The following MYCBP2 variants were observed in gnomAD, a reference collection of about 807,000 sequenced individuals.
MYCBP2 encodes MYC binding protein 2.
A neutral mutation model predicts 525.3 loss-of-function variants in MYCBP2; 120 were observed. That is an observed-to-expected ratio of 0.23 (90% CI 0.20 to 0.27). The LOEUF (loss-of-function observed/expected upper bound fraction) is 0.27, where lower values mean the gene tolerates loss of function less well. MYCBP2 is among the 10% of genes least tolerant of loss of function. The probability of loss-of-function intolerance (pLI) is 1.00; values close to 1 mark genes in which losing one functional copy is unlikely to be tolerated. For missense variants in MYCBP2, 4,149 were observed against 5,657.1 expected (o/e 0.73, Z 8.55); for synonymous variants, 1,894 against 1,955.8 (o/e 0.97, Z 0.83).
chr13:77,283,593 G>A (rs984189400), intron 3 of MYCBP2, among the ~76,000 whole-genome samples: 5 of 152,084 alleles, frequency 3.3e-5, no homozygotes, highest in African/African-American at 1.2e-4. Flanking sequence ...TGACTTCTAA[G>A]CGTTACTATT....
At chr13:77,232,127 AC>A (rs1344211265) in intron 18 of MYCBP2, among the ~76,000 whole-genome samples, 2 of 152,184 alleles carry the variant, frequency 1.3e-5, no homozygotes, top group Non-Finnish European at 2.9e-5. Context: ...TGGCAAACTG[AC>A]AGACTGAAAG....
At chr13:77,190,585 T>G (rs2061205960) in intron 28 of MYCBP2, among the ~76,000 whole-genome samples, 1 of 152,176 alleles carries the variant, frequency 6.6e-6, no homozygotes. Context: ...CAACTCAGCT[T>G]TAACCACAGC....
In MYCBP2 at chr13:77,326,240, G is replaced by GACACACACAC. The variant is rs398023536; in HGVS notation, c.302+224_302+233dup. On this transcript the variant is annotated intron_variant, in intron 1 of 82. Transcript: ENST00000544440. The surrounding 1 kb of genome is among the most constrained non-coding windows in gnomAD (Gnocchi z 4.2). ...CACTATCCCCCCACATAGGCAGGCA[G>GACACACACAC]ACACACACACACACACACACACACA... 0.018 allele frequency among the ~76,000 whole-genome samples: 2,335 copies of GACACACACAC among 127,814 alleles called. 43 individuals carry two copies. The highest frequency in any genetic ancestry group is 0.035 in the Admixed American group (439 of 12,706). 83.9% of individuals were successfully genotyped at this position (127,814 alleles called of 152,430 possible). A position where few individuals can be genotyped will look rare whatever the true frequency, so the allele number is the denominator to read the frequency against.
chr13:77,095,891 C>A (rs1304593196), intron 57 of MYCBP2, among the ~76,000 whole-genome samples: 2 of 151,352 alleles, frequency 1.3e-5, no homozygotes, highest in South Asian at 4.2e-4. Context: ...CATTTCAGTG[C>A]GTGTATTCAG....
Position 77,326,707 on chromosome 13 carries a change from G to A in MYCBP2, c.69C>T (p.Tyr23=). The A allele has an allele frequency of 7.0e-7, 1 of 1,427,942 alleles. No individual in the cohort carries two copies. Among genetic ancestry groups the A allele is most frequent in the Non-Finnish European group, 9.1e-7 (1 of 1,102,046 alleles). The allele number at this position is 1,427,942 out of a possible 1,614,324, so 88.5% of individuals were successfully genotyped here. Residue 23 remains tyrosine (Y), a synonymous_variant, in exon 1 of 83, where the codon TAC becomes TAT. Coordinates refer to ENST00000544440, the MANE Select transcript of MYCBP2 (RefSeq NM_015057.5). This position sits in a 1 kb window ranked among gnomAD's most constrained non-coding sequence, Gnocchi z 4.2. The part of the protein sequence containing the change: ...ASSGLGGDGF[Y]PAATFSSSPA... ...GGGAGGAAGAGAAGGTGGCGGCTGGGTAGAATCCGTCCCCGCCGAGCCCCG... is the reference window on the plus strand; with the variant it reads ...GGGAGGAAGAGAAGGTGGCGGCTGGATAGAATCCGTCCCCGCCGAGCCCCG...
In MYCBP2 at chr13:77,167,012, CACACACACACACA is replaced by C. The variant is rs1566781014; in HGVS notation, c.6115-471_6115-459del. Reference sequence around the variant, plus strand: ...ACACACACACACACACACACACACACACACACACACACACCAAATGAAATAATTTAATGATTTT... The same window carrying C: ...ACACACACACACACACACACACACACCCAAATGAAATAATTTAATGATTTT... On this transcript the variant is annotated intron_variant, in intron 40 of 82. Transcript: ENST00000544440. 2.1e-3 allele frequency among the ~76,000 whole-genome samples: 312 copies of C among 150,848 alleles called. 2 individuals are homozygous for C. The highest frequency in any genetic ancestry group is 5.5e-3 in the Admixed American group (84 of 15,156).
Position 77,296,580 on chromosome 13 carries a change from C to T in MYCBP2, c.378+19G>A. On this transcript the variant is annotated intron_variant, in intron 2 of 82. Transcript: ENST00000544440. ...CATATGAAAAAGTCCTATTCCTTAT[C>T]AATTACCAGCAGCTTTACCTTGCTT... 6.4e-7 allele frequency: 1 copy of T among 1,569,258 alleles called. No homozygotes were observed.
intron 18 of MYCBP2, among the ~76,000 whole-genome samples, chr13:77,226,236 C>T (rs139940806): frequency 1.2e-3 from 187 of 152,218 alleles, no homozygotes; most frequent in Middle Eastern, 3.4e-3. Flanking sequence ...CTCCTTCTTT[C>T]CTCCTCCCTT....
intron 26 of MYCBP2, among the ~76,000 whole-genome samples, chr13:77,198,943 G>C (rs2062077491): frequency 6.6e-6 from 1 of 152,210 alleles, no homozygotes; most frequent in Admixed American, 6.5e-5. Context: ...GTGGTAAATT[G>C]TTGAAAATAA....
In MYCBP2 at chr13:77,211,187, A is replaced by G. The variant is rs370621222; in HGVS notation, c.3396T>C (p.Pro1132=). Residue 1132 remains proline, a synonymous_variant, in exon 23 of 83, where the codon CCT becomes CCC. Transcript: ENST00000544440. ...DLQGFGVCLD[P]VYDVIWRFRP... is the part of the protein sequence containing the mutation. ...CTTACCTCCAAATTACATCATATACAGGATCAAGACACACACCAAATCCTT... is the reference window on the plus strand; with the variant it reads ...CTTACCTCCAAATTACATCATATACGGGATCAAGACACACACCAAATCCTT... 7.9e-5 allele frequency: 118 copies of G among 1,489,326 alleles called. No individual in the cohort carries two copies. Among genetic ancestry groups the G allele is most frequent in the Non-Finnish European group, 9.7e-5 (108 of 1,117,232 alleles). 92.3% of individuals were successfully genotyped at this position (1,489,326 alleles called of 1,614,324 possible).
chr13:77,245,076 A>G (rs1311185800), intron 15 of MYCBP2, among the ~76,000 whole-genome samples: 1 of 152,240 alleles, frequency 6.6e-6, no homozygotes, highest in Admixed American at 6.5e-5. Flanking sequence ...CGCCAGTTAC[A>G]ATGGTGATCA....
intron 53 of MYCBP2, 77 bp downstream of exon 53, chr13:77,126,241 C>T (rs879166693): frequency 1.6e-6 from 2 of 1,282,106 alleles, no homozygotes; most frequent in African/African-American, 1.5e-5. Context: ...GAAATGGCAA[C>T]CTTTAGAAGA....
chr13:77,275,217 C>T (rs1411224769), intron 4 of MYCBP2, among the ~76,000 whole-genome samples: 1 of 152,140 alleles, frequency 6.6e-6, no homozygotes, highest in Non-Finnish European at 1.5e-5. Context: ...GAAAATAAGG[C>T]TATTTAAAAA....
Position 77,263,641 on chromosome 13 carries a change from G to C in MYCBP2, c.1570+10C>G, listed in dbSNP as rs375634583. 2.1e-5 allele frequency: 33 copies of C among 1,602,332 alleles called. No homozygotes were observed. Among genetic ancestry groups the C allele is most frequent in the Non-Finnish European group, 2.6e-5 (30 of 1,174,092 alleles). Reference sequence around the variant, plus strand: ...AAAATATAGGGAAAACACTTAATTTGCTATCTTACTTATAATATGCAAGTC... The same window carrying C: ...AAAATATAGGGAAAACACTTAATTTCCTATCTTACTTATAATATGCAAGTC... On this transcript the variant is annotated intron_variant, in intron 10 of 82. Transcript: ENST00000544440.
chr13:77,190,507 G>A (rs553900062), intron 28 of MYCBP2, among the ~76,000 whole-genome samples, 172 bp from the exon 29 acceptor site: 237 of 152,294 alleles, frequency 1.6e-3, no homozygotes, highest in African/African-American at 5.4e-3. Context: ...GGGTTAGTCA[G>A]TAAAATGAAA....
In MYCBP2 at chr13:77,098,593, C is replaced by G; in HGVS notation, c.8561G>C (p.Ser2854Thr). The change falls in exon 56 of 83, where the codon AGT becomes ACT. Residue 2854 changes from serine to threonine, a missense_variant. Transcript: ENST00000544440. ...AAGCTTTGTCTTAACAGGAGCAGTA[C>G]TTTTTTGAGGTAGATTTTTATCATG... ...SPHDKNLPQK[S>T]TAPVKTKLDP... is the part of the protein sequence containing the mutation. 2 of 1,613,680 alleles carry G rather than the reference C, an allele frequency of 1.2e-6. No individual in the cohort carries two copies. The highest frequency in any genetic ancestry group is 1.1e-5 in the South Asian group (1 of 91,068).
chr13:77,195,600 AT>A (rs1177978471), intron 26 of MYCBP2, among the ~76,000 whole-genome samples: 1 of 151,828 alleles, frequency 6.6e-6, no homozygotes, highest in African/African-American at 2.4e-5. Context: ...TTAAAAAAAA[AT>A]AGTCCGAAAT....
intron 55 of MYCBP2, among the ~76,000 whole-genome samples, chr13:77,112,350 TATATA>T (rs536341415): frequency 1.4e-5 from 2 of 146,752 alleles, no homozygotes; most frequent in South Asian, 2.1e-4. Flanking sequence ...ATATATTTTA[TATATA>T]ATATTTTATT....
At chr13:77,238,414 G>A (rs1413568425) in intron 17 of MYCBP2, among the ~76,000 whole-genome samples, 1 of 152,036 alleles carries the variant, frequency 6.6e-6, no homozygotes, top group Non-Finnish European at 1.5e-5. Context: ...TTTTCCTTAC[G>A]AAACAGAGTG....
Sources: allele counts gnomAD v4.1 joint callset (sites outside exome capture counted in the v4.1 genomes callset), GRCh38; gene constraint gnomAD v4.1.1; non-coding constraint Gnocchi (gnomAD v3.1); transcripts MANE v1.5; gene names NCBI Gene and HGNC (gene_info 2026-07-23, HGNC 2026-07-21).